TCAIM: variants seen among roughly 807,000 people sequenced by gnomAD.
The protein encoded by TCAIM is T-cell activation inhibitor, mitochondrial.
In TCAIM, 36 loss-of-function variants were observed where a neutral mutation model predicts 58.6. That is an observed-to-expected ratio of 0.61 (90% CI 0.47 to 0.81). TCAIM has a LOEUF of 0.81. Ranked by LOEUF, TCAIM falls within the 30% of genes least tolerant of loss-of-function variation. The pLI is 0.00. For synonymous variants in TCAIM, 172 were observed against 193.6 expected (o/e 0.89, Z 0.93); for missense variants, 466 against 579.6 (o/e 0.80, Z 2.01).
chr3:44,395,621 G>T (rs1202792340), intron 6 of TCAIM, among the ~76,000 whole-genome samples: 1 of 152,196 alleles, frequency 6.6e-6, no homozygotes, highest in Non-Finnish European at 1.5e-5. Flanking sequence ...TGTCACTGAG[G>T]CTTAATATTA....
intron 1 of TCAIM, among the ~76,000 whole-genome samples, chr3:44,346,438 T>C (rs920462379): frequency 2.6e-5 from 4 of 152,148 alleles, no homozygotes; most frequent in African/African-American, 9.7e-5. Flanking sequence ...GTTTCCTGAC[T>C]CGGGGCATGT....
intron 5 of TCAIM, among the ~76,000 whole-genome samples, chr3:44,386,757 G>A (rs1701750209): frequency 6.6e-6 from 1 of 152,250 alleles, no homozygotes; most frequent in Non-Finnish European, 1.5e-5. Flanking sequence ...CAGGAGGGAG[G>A]CATGGTGAGG....
chr3:44,386,145 G>A (rs192663108), intron 5 of TCAIM, among the ~76,000 whole-genome samples: 9 of 129,146 alleles, frequency 7.0e-5, no homozygotes, highest in South Asian at 2.4e-4. Flanking sequence ...CCCAGGAGGC[G>A]AAGGTTGCAG....
intron 4 of TCAIM, among the ~76,000 whole-genome samples, chr3:44,364,622 G>A (rs913918990): frequency 6.6e-6 from 1 of 151,690 alleles, no homozygotes; most frequent in African/African-American, 2.4e-5. Context: ...TGTGCCTGTA[G>A]TCCCCGCTAC....
intron 1 of TCAIM, among the ~76,000 whole-genome samples, chr3:44,350,719 T>C (rs112654167): frequency 5.9e-5 from 9 of 152,226 alleles, no homozygotes; most frequent in African/African-American, 2.2e-4. Context: ...GGGACCATTA[T>C]ATGCAGATGA....
chr3:44,342,265 G>A (rs1471988499), intron 1 of TCAIM, among the ~76,000 whole-genome samples: 9 of 152,156 alleles, frequency 5.9e-5, no homozygotes. Context: ...GCAGTTTGGA[G>A]TGGGGACAGA....
chr3:44,372,220 T>C (rs1701489669), intron 5 of TCAIM, among the ~76,000 whole-genome samples: 2 of 152,198 alleles, frequency 1.3e-5, no homozygotes, highest in Non-Finnish European at 2.9e-5. Flanking sequence ...GCCTCATGTA[T>C]AGCAAGAGAA....
At chr3:44,366,585 C>A (rs1701380512) in intron 4 of TCAIM, among the ~76,000 whole-genome samples, 1 of 151,622 alleles carries the variant, frequency 6.6e-6, no homozygotes, top group Non-Finnish European at 1.5e-5. Context: ...CCTGCCTCAG[C>A]CTCCAGCTGG....
intron 5 of TCAIM, among the ~76,000 whole-genome samples, chr3:44,371,996 G>A (rs1223330474): frequency 2.0e-5 from 3 of 146,424 alleles, no homozygotes; most frequent in South Asian, 2.2e-4. Flanking sequence ...GAGAGAGAGA[G>A]AGAGAGAAAG....
chr3:44,372,928 G>A (rs1469954815), intron 5 of TCAIM, among the ~76,000 whole-genome samples: 1 of 152,100 alleles, frequency 6.6e-6, no homozygotes, highest in African/African-American at 2.4e-5. Context: ...TTTAAAGCAA[G>A]TTAAGATGGT....
chr3:44,367,452 C>T lies in TCAIM; in HGVS notation c.320-4C>T, dbSNP rs1210442581. ...TAATTGTTTGGGGGAATTATATTCTCTAGGATTTCGAGCAGTCAAATTTAC... is the reference window on the plus strand; with the variant it reads ...TAATTGTTTGGGGGAATTATATTCTTTAGGATTTCGAGCAGTCAAATTTAC... On this transcript the variant is annotated splice_region_variant and splice_polypyrimidine_tract_variant and intron_variant, in intron 4 of 10. Coordinates refer to ENST00000342649, the MANE Select transcript of TCAIM (RefSeq NM_173826.4). 2 of 1,603,212 alleles carry T rather than the reference C, an allele frequency of 1.2e-6. No homozygotes were observed. The highest frequency in any genetic ancestry group is 1.7e-6 in the Non-Finnish European group (2 of 1,172,626).
intron 1 of TCAIM, among the ~76,000 whole-genome samples, chr3:44,354,293 C>A (rs1021323622): frequency 1.3e-5 from 2 of 152,178 alleles, no homozygotes; most frequent in African/African-American, 4.8e-5. Flanking sequence ...TCACCAACAC[C>A]GCGCTGTCTT....
At chr3:44,376,343 C>T (rs1195821782) in intron 5 of TCAIM, among the ~76,000 whole-genome samples, 1 of 152,158 alleles carries the variant, frequency 6.6e-6, no homozygotes, top group African/African-American at 2.4e-5. Flanking sequence ...ACTATCACTA[C>T]TCTTCCTAAA....
At chr3:44,390,959 C>T (rs1701824533) in intron 5 of TCAIM, among the ~76,000 whole-genome samples, 1 of 152,224 alleles carries the variant, frequency 6.6e-6, no homozygotes, top group Non-Finnish European at 1.5e-5. Flanking sequence ...CCCTCCCCGT[C>T]ACCACCCACT....
intron 6 of TCAIM, among the ~76,000 whole-genome samples, chr3:44,394,183 C>T (rs1399386999): frequency 6.6e-6 from 1 of 152,032 alleles, no homozygotes; most frequent in Non-Finnish European, 1.5e-5. Context: ...TTACAGAGTA[C>T]AGATAGTATT....
chr3:44,400,140 T>C (rs762092903), intron 8 of TCAIM, among the ~76,000 whole-genome samples: 6 of 152,322 alleles, frequency 3.9e-5, no homozygotes, highest in Admixed American at 2.6e-4. Context: ...ACCTCACAAA[T>C]TCCCATCTAA....
Position 44,408,934 on chromosome 3 carries a change from T to C in TCAIM, c.*1252T>C, listed in dbSNP as rs1353843025. The stretch of plus-strand genomic sequence containing the variant: ...TTTACCCTAAGATACCTTCGGGCAA[T>C]ATTTTTAACCAACCCAAAAGCTCTT... On this transcript the variant is annotated 3_prime_UTR_variant, in exon 11 of 11. Coordinates refer to ENST00000342649, the MANE Select transcript of TCAIM (RefSeq NM_173826.4). 6.6e-6 allele frequency: 1 copy of C among 152,126 alleles called. No homozygotes were observed. Among genetic ancestry groups the C allele is most frequent in the East Asian group, 1.9e-4 (1 of 5,188 alleles). 9.4% of individuals were successfully genotyped at this position (152,126 alleles called of 1,614,324 possible).
intron 4 of TCAIM, among the ~76,000 whole-genome samples, chr3:44,361,885 A>T (rs1180408418): frequency 2.0e-5 from 3 of 152,186 alleles, no homozygotes; most frequent in African/African-American, 7.2e-5. Context: ...ATTGTAACTT[A>T]GTGATGTTCA....
chr3:44,388,070 T>C (rs1258913268), intron 5 of TCAIM, among the ~76,000 whole-genome samples: 5 of 151,756 alleles, frequency 3.3e-5, no homozygotes. Context: ...TTTATACACA[T>C]TTTTTCCCTG....
Sources: allele counts gnomAD v4.1 joint callset (sites outside exome capture counted in the v4.1 genomes callset), GRCh38; gene constraint gnomAD v4.1.1; transcripts MANE v1.5; gene names NCBI Gene and HGNC (gene_info 2026-07-23, HGNC 2026-07-21).